SUV39H2: variants seen among roughly 807,000 people sequenced by gnomAD.
The protein encoded by SUV39H2 is histone-lysine N-methyltransferase SUV39H2.
SUV39H2 carries 10 observed loss-of-function variants against 47.5 expected under a neutral mutation model. That is an observed-to-expected ratio of 0.21 (90% CI 0.13 to 0.36). SUV39H2 has a LOEUF of 0.36. SUV39H2 is among the 10% of genes least tolerant of loss of function. The pLI is 1.00. For missense variants in SUV39H2, 266 were observed against 487.4 expected, an observed-to-expected ratio of 0.55 and a Z score of 4.28; for synonymous variants, 159 against 166.8, an observed-to-expected ratio of 0.95 and a Z score of 0.36.
rs145270072 is a variant in SUV39H2 at position 14,901,521 on chromosome 10, G to A, written c.1126+259G>A. 3.7e-3 allele frequency among the ~76,000 whole-genome samples: 567 copies of A among 151,802 alleles called. 1 individual carries two copies. Among genetic ancestry groups the A allele is most frequent in the Non-Finnish European group, 5.9e-3 (404 of 67,952 alleles). ...TTTGGAAACTGATTTATTTATTATAGCATCTTAATACTGTACTACTTGTCT... is the reference window on the plus strand; with the variant it reads ...TTTGGAAACTGATTTATTTATTATAACATCTTAATACTGTACTACTTGTCT... On this transcript the variant is annotated intron_variant, in intron 5 of 5. Coordinates refer to ENST00000354919, the MANE Select transcript of SUV39H2 (RefSeq NM_001193424.2).
intron 2 of SUV39H2, among the ~76,000 whole-genome samples, chr10:14,895,652 G>C (rs1833557317): frequency 6.6e-6 from 1 of 152,134 alleles, no homozygotes; most frequent in Non-Finnish European, 1.5e-5. Flanking sequence ...TTGAGTGCCT[G>C]CTACCTAATC....
At chr10:14,893,420 G>GTAT (rs1477046374) in intron 2 of SUV39H2, among the ~76,000 whole-genome samples, 1 of 152,184 alleles carries the variant, frequency 6.6e-6, no homozygotes, top group East Asian at 1.9e-4. Context: ...TTCATATGAT[G>GTAT]TATTCCAAAT....
chr10:14,896,869 A>G lies in SUV39H2; in HGVS notation c.201A>G (p.Lys67=). The G allele has an allele frequency of 1.3e-6, 2 of 1,585,534 alleles. No individual in the cohort carries two copies. Among genetic ancestry groups the G allele is most frequent in the Non-Finnish European group, 1.7e-6 (2 of 1,164,608 alleles). ...VVKDMEYYLV[K]WKGWPDSTNT... The stretch of plus-strand genomic sequence containing the variant: ...AGGATATGGAATATTATCTTGTAAA[A>G]TGGAAAGGATGGCCAGATTCTACAA... The change falls in exon 3 of 6, where the codon AAA becomes AAG. Residue 67 remains lysine, a synonymous_variant. Coordinates refer to ENST00000354919, the MANE Select transcript of SUV39H2 (RefSeq NM_001193424.2).
intron 2 of SUV39H2, among the ~76,000 whole-genome samples, chr10:14,894,172 C>A (rs540731618): frequency 7.5e-4 from 113 of 151,316 alleles, no homozygotes; most frequent in Admixed American, 1.2e-3. Context: ...GGAAGAAATC[C>A]TTAGGCTTTA....
At chr10:14,879,207 T>G in intron 1 of SUV39H2, 30 of 974,332 alleles carry the variant, frequency 3.1e-5, no homozygotes, top group South Asian at 5.0e-5. Context: ...CCTCCGCGTC[T>G]CCCGTGGCGG....
chr10:14,897,265 A>G lies in SUV39H2; in HGVS notation c.597A>G (p.Gln199=), dbSNP rs1365953404. 1 of 1,613,976 alleles carries G rather than the reference A, an allele frequency of 6.2e-7. No individual in the cohort carries two copies. Among genetic ancestry groups the G allele is most frequent in the Non-Finnish European group, 8.5e-7 (1 of 1,180,036 alleles). ...GTTCATGCACAGATTGCTTCTTTCA[A>G]AAATGTTGTCCTGCTGAAGCTGGAG... ...FGCSCTDCFF[Q]KCCPAEAGVL... Residue 199 remains glutamine (Q), a synonymous_variant, in exon 3 of 6, where the codon CAA becomes CAG. Transcript: ENST00000354919.
chr10:14,895,236 G>A (rs565981427), intron 2 of SUV39H2, among the ~76,000 whole-genome samples: 119 of 151,342 alleles, frequency 7.9e-4, no homozygotes, highest in Non-Finnish European at 1.5e-3. Flanking sequence ...GAGTGCAGTG[G>A]CACAGTCTTG....
rs1480604166 is a variant in SUV39H2, at chr10:14,903,138, T to C, written c.*626T>C. 2 of 152,166 alleles carry C rather than the reference T, an allele frequency of 1.3e-5. No individual in the cohort carries two copies. The highest frequency in any genetic ancestry group is 2.9e-5 in the Non-Finnish European group (2 of 68,040). 9.4% of individuals were successfully genotyped at this position (152,166 alleles called of 1,614,324 possible). On this transcript the variant is annotated 3_prime_UTR_variant, in exon 6 of 6. Transcript: ENST00000354919. ...AAGCAATCTAGACTGTTGTGATGAGTGTATGTCTGAACCTGTAATTCTTAA... is the reference window on the plus strand; with the variant it reads ...AAGCAATCTAGACTGTTGTGATGAGCGTATGTCTGAACCTGTAATTCTTAA...
chr10:14,896,328 C>T (rs192235788), intron 2 of SUV39H2, among the ~76,000 whole-genome samples: 83 of 152,216 alleles, frequency 5.5e-4, no homozygotes, highest in African/African-American at 1.7e-3. Context: ...TCGTAATAAC[C>T]GTATTGGATA....
intron 2 of SUV39H2, among the ~76,000 whole-genome samples, chr10:14,886,489 T>G (rs558707222): frequency 6.6e-6 from 1 of 152,220 alleles, no homozygotes; most frequent in South Asian, 2.1e-4. Flanking sequence ...CTCATTTTAG[T>G]CCCGGTACAG....
Position 14,902,693 on chromosome 10 carries a change from T to C in SUV39H2, c.*181T>C. 5 of 472,812 alleles carry C rather than the reference T, an allele frequency of 1.1e-5. No homozygotes were observed. The South Asian group carries it at 1.2e-4, about 12-fold the overall frequency. 29.3% of individuals were successfully genotyped at this position (472,812 alleles called of 1,614,324 possible). A position where few individuals can be genotyped will look rare whatever the true frequency, so the allele number is the denominator to read the frequency against. ...CTGAAAAGGGGGTCACTGGGTCTCA[T>C]AGACTGATATGAAGTCGACATATTT... On this transcript the variant is annotated 3_prime_UTR_variant, in exon 6 of 6. Coordinates refer to ENST00000354919, the MANE Select transcript of SUV39H2 (RefSeq NM_001193424.2).
Position 14,897,551 on chromosome 10 carries a change from C to T in SUV39H2, c.849+34C>T, listed in dbSNP as rs552656421. On this transcript the variant is annotated intron_variant, in intron 3 of 5. Transcript: ENST00000354919. ...CATTTGCCACGTAGTAAATGATGGA[C>T]ATGCAAGGTTTATACTTTTGGAAAA... 8.8e-6 allele frequency: 13 copies of T among 1,470,980 alleles called. No individual in the cohort carries two copies. The African/African-American group carries it at 9.8e-5, about 11-fold the overall frequency. The allele number at this position is 1,470,980 out of a possible 1,614,324, so 91.1% of individuals were successfully genotyped here.
In SUV39H2 at chr10:14,903,769, A is replaced by T. The variant is rs575858982; in HGVS notation, c.*1257A>T. ...TGTTGTGAAAATGATAAATGCAGCA[A>T]ATCTAGCTTTCAGTATTCCTAATTT... is the stretch of plus-strand genomic sequence containing the variant. On this transcript the variant is annotated 3_prime_UTR_variant, in exon 6 of 6. Transcript: ENST00000354919. 1.3e-5 allele frequency: 2 copies of T among 152,218 alleles called. No individual in the cohort carries two copies. The highest frequency in any genetic ancestry group is 6.5e-5 in the Admixed American group (1 of 15,272). The allele number at this position is 152,218 out of a possible 1,614,324, so 9.4% of individuals were successfully genotyped here.
chr10:14,885,403 G>A (rs1245450817), intron 2 of SUV39H2, among the ~76,000 whole-genome samples: 3 of 151,978 alleles, frequency 2.0e-5, no homozygotes, highest in Non-Finnish European at 4.4e-5. Context: ...AAATCTAATG[G>A]GTTATCATAT....
In SUV39H2 at chr10:14,901,150, G is replaced by A; in HGVS notation, c.1014G>A (p.Gln338=). Residue 338 remains glutamine, a synonymous_variant, in exon 5 of 6, where the codon CAG becomes CAA. Coordinates refer to ENST00000354919, the MANE Select transcript of SUV39H2 (RefSeq NM_001193424.2). The stretch of plus-strand genomic sequence containing the variant: ...CTTTTTAGTGTGACCCAAATCTTCA[G>A]GTGTTCAATGTTTTCATTGATAACC... ...FVNHSCDPNL[Q]VFNVFIDNLD... The A allele has an allele frequency of 6.2e-7, 1 of 1,613,850 alleles. No homozygotes were observed. The highest frequency in any genetic ancestry group is 8.5e-7 in the Non-Finnish European group (1 of 1,179,880).
chr10:14,901,291 T>C (rs774103632), intron 5 of SUV39H2, 29 bp downstream of exon 5: 3 of 1,612,648 alleles, frequency 1.9e-6, no homozygotes, highest in Non-Finnish European at 2.5e-6. Flanking sequence ...GTTTCATTGG[T>C]GTCAGTTTCA....
chr10:14,890,242 T>G (rs1013852504), intron 2 of SUV39H2, among the ~76,000 whole-genome samples: 1 of 152,228 alleles, frequency 6.6e-6, no homozygotes, highest in Non-Finnish European at 1.5e-5. Context: ...TAACAATCAA[T>G]GTCATGTGGC....
At chr10:14,902,295 A>G (rs994751265) in intron 5 of SUV39H2, 111 bp from the exon 6 acceptor site, 10 of 595,736 alleles carry the variant, frequency 1.7e-5, no homozygotes, top group Middle Eastern at 2.7e-4. Flanking sequence ...GGTCTTGACC[A>G]TGTAAGTACC....
rs1219651240 is a variant in SUV39H2 at position 14,897,339 on chromosome 10, C to T, written c.671C>T (p.Thr224Ile). The stretch of plus-strand genomic sequence containing the variant: ...CAACAAATTAAAATCCCACCTGGTA[C>T]TCCCATCTATGAATGCAACTCAAGG... ...KNQQIKIPPG[T>I]PIYECNSRCQ... The change falls in exon 3 of 6, where the codon ACT (threonine) becomes ATT (isoleucine). Residue 224 changes from threonine to isoleucine, a missense_variant. Around this residue, in one of 4 missense-constraint regions of SUV39H2, gnomAD observed 112 missense variants for 271.9 expected, o/e 0.41. Coordinates refer to ENST00000354919, the MANE Select transcript of SUV39H2 (RefSeq NM_001193424.2). 1.2e-6 allele frequency: 2 copies of T among 1,612,886 alleles called. No homozygotes were observed. The highest frequency in any genetic ancestry group is 1.3e-5 in the African/African-American group (1 of 74,944).
Sources: gnomAD v4.1 joint callset for allele counts (sites outside exome capture counted in the v4.1 genomes callset) on GRCh38, gnomAD v4.1.1 for gene constraint, gnomAD v4.1.1 regional missense constraint, MANE v1.5 for transcripts, NCBI Gene and HGNC (gene_info 2026-07-23, HGNC 2026-07-21) for gene names.